KNL1: variants seen among roughly 807,000 people sequenced by gnomAD.
The protein encoded by KNL1 is kinetochore scaffold 1.
KNL1 carries 66 observed loss-of-function variants against 201.3 expected under a neutral mutation model. That is an observed-to-expected ratio of 0.33 (90% CI 0.27 to 0.40). The LOEUF is 0.40. KNL1 is among the 10% of genes least tolerant of loss of function. The pLI, the probability that KNL1 is intolerant of heterozygous loss-of-function variation, is 1.00. For synonymous variants in KNL1, 895 were observed against 899.2 expected (o/e 1.00, Z 0.08); for missense variants, 2,815 against 2,690.5 (o/e 1.05, Z -1.02).
In KNL1 at chr15:40,651,567, G is replaced by C. The variant is rs376586857; in HGVS notation, c.6309G>C (p.Gln2103His). The C allele has an allele frequency of 8.8e-6, 14 of 1,599,638 alleles. No individual in the cohort carries two copies. The African/African-American group carries it at 1.9e-4, about 22-fold the overall frequency. The change falls in exon 20 of 26, where the codon CAG becomes CAC. Residue 2103 changes from glutamine (Q) to histidine (H), a missense_variant. By Grantham distance (24) the Gln-to-His change is conservative. Around this residue, in one of 3 missense-constraint regions of KNL1, gnomAD observed 334 missense variants for 362.6 expected, o/e 0.92. Transcript: ENST00000399668. ...ATAGAACTGAAGAGCTACTGGATCA[G>C]TTGAGGTAAGGAAATGCAGGCATCA... ...QRNRTEELLD[Q>H]LSLSEWDVVE...
chr15:40,597,860 G>C (rs1273417542), intron 1 of KNL1, among the ~76,000 whole-genome samples: 1 of 152,116 alleles, frequency 6.6e-6, no homozygotes, highest in Non-Finnish European at 1.5e-5. Context: ...TGTGAATTTT[G>C]AACATGTGCA....
intron 9 of KNL1, 48 bp downstream of exon 9, chr15:40,619,059 TAAAAC>T (rs750647392): frequency 6.7e-5 from 83 of 1,242,734 alleles, no homozygotes; most frequent in Admixed American, 1.5e-4. Flanking sequence ...ATTTGATTGT[TAAAAC>T]AGAAAACACA....
At chr15:40,649,242 T>G (rs137965503) in intron 17 of KNL1, among the ~76,000 whole-genome samples, 1 of 152,240 alleles carries the variant, frequency 6.6e-6, no homozygotes, top group East Asian at 1.9e-4. Flanking sequence ...TTACATGATT[T>G]GTTACTACTC....
intron 2 of KNL1, 83 bp from the exon 3 acceptor site, chr15:40,605,027 C>T (rs2141699918): frequency 1.4e-6 from 1 of 738,250 alleles, no homozygotes; most frequent in Non-Finnish European, 2.5e-6. Flanking sequence ...AGTTTGAAAG[C>T]ATGTAAGGGG....
At chr15:40,603,443 G>A (rs1891873962) in intron 2 of KNL1, among the ~76,000 whole-genome samples, 1 of 152,186 alleles carries the variant, frequency 6.6e-6, no homozygotes, top group South Asian at 2.1e-4. Context: ...AGATGTTACA[G>A]ACTCATAGCT....
chr15:40,625,935 A>G, intron 10 of KNL1: 2 of 300,238 alleles, frequency 6.7e-6, no homozygotes, highest in Non-Finnish European at 1.3e-5. Context: ...AAAGGTATGT[A>G]TACTGTCACC....
intron 2 of KNL1, among the ~76,000 whole-genome samples, chr15:40,604,107 T>G (rs904827469): frequency 2.1e-5 from 3 of 145,556 alleles, no homozygotes; most frequent in Non-Finnish European, 4.5e-5. Context: ...CTCAAGACCC[T>G]GTCTCACATA....
intron 13 of KNL1, among the ~76,000 whole-genome samples, chr15:40,631,317 T>G (rs981478698): frequency 6.6e-6 from 1 of 151,868 alleles, no homozygotes; most frequent in African/African-American, 2.4e-5. Context: ...CAGGAAACAC[T>G]TCTAGATAAC....
chr15:40,625,218 A>T lies in KNL1; in HGVS notation c.4954A>T (p.Ile1652Phe). The T allele has an allele frequency of 1.9e-6, 3 of 1,614,014 alleles. No individual in the cohort carries two copies. Among genetic ancestry groups the T allele is most frequent in the Non-Finnish European group, 8.5e-7 (1 of 1,179,932 alleles). The change falls in exon 10 of 26, where the codon ATC becomes TTC. Residue 1652 changes from isoleucine to phenylalanine, a missense_variant. Coordinates refer to ENST00000399668, the MANE Select transcript of KNL1 (RefSeq NM_144508.5). ...KDKVRRCSLG[I>F]FLPRLPNKRN... is the part of the protein sequence containing the mutation. ...TAAAGTAAGGAGATGTTCTTTGGGAATCTTTTTGCCTAGATTGCCCAACAA... is the reference window on the plus strand; with the variant it reads ...TAAAGTAAGGAGATGTTCTTTGGGATTCTTTTTGCCTAGATTGCCCAACAA...
Position 40,612,641 on chromosome 15 carries a change from C to T in KNL1, c.284+1130C>T, listed in dbSNP as rs555460500. ...AAGTGATTCTCCTGCTTCAGCCTCC[C>T]GAGTAGCTGGGACTACAGGCGCCTG... On this transcript the variant is annotated intron_variant, in intron 7 of 25. Coordinates refer to ENST00000399668, the MANE Select transcript of KNL1 (RefSeq NM_144508.5). Among the ~76,000 whole-genome samples, 219 of 151,966 alleles carry T rather than the reference C, an allele frequency of 1.4e-3. 1 individual carries two copies. The highest frequency in any genetic ancestry group is 5.0e-3 in the African/African-American group (206 of 41,496).
intron 13 of KNL1, among the ~76,000 whole-genome samples, chr15:40,640,224 G>A (rs1310945902): frequency 6.6e-6 from 1 of 151,474 alleles, no homozygotes; most frequent in Non-Finnish European, 1.5e-5. Context: ...AGCTTCTGGA[G>A]TAGCTGGGAC....
intron 8 of KNL1, among the ~76,000 whole-genome samples, chr15:40,618,472 C>G (rs533247090): frequency 6.6e-6 from 1 of 152,082 alleles, no homozygotes; most frequent in East Asian, 1.9e-4. Flanking sequence ...ATTTGATACT[C>G]TTCTCCATGG....
Position 40,625,330 on chromosome 15 carries a change from T to A in KNL1, c.5066T>A (p.Val1689Asp), listed in dbSNP as rs1285643393. Reference protein sequence around the residue: ...TDINHLETQPVSSKDSGIGSV... With the variant: ...TDINHLETQPDSSKDSGIGSV... The stretch of plus-strand genomic sequence containing the variant: ...ATAAATCACTTAGAAACTCAGCCGG[T>A]CTCTAGCAAAGATTCAGGCATTGGA... Residue 1689 changes from valine to aspartate, a missense_variant, in exon 10 of 26, where the codon GTC becomes GAC. Transcript: ENST00000399668. The A allele has an allele frequency of 6.2e-7, 1 of 1,614,112 alleles. No homozygotes were observed. Among genetic ancestry groups the A allele is most frequent in the Admixed American group, 1.7e-5 (1 of 60,010 alleles).
chr15:40,652,327 A>T (rs1404865962), intron 21 of KNL1, among the ~76,000 whole-genome samples: 3 of 152,166 alleles, frequency 2.0e-5, no homozygotes, highest in Non-Finnish European at 4.4e-5. Flanking sequence ...GAATTACATT[A>T]AATAAAAATT....
chr15:40,649,084 C>T (rs182880256), intron 17 of KNL1, among the ~76,000 whole-genome samples: 41 of 150,978 alleles, frequency 2.7e-4, no homozygotes, highest in African/African-American at 7.3e-4. Flanking sequence ...GTGATCCGCC[C>T]GCCTCGGCCT....
At chr15:40,596,281 T>G (rs1248172916) in intron 1 of KNL1, among the ~76,000 whole-genome samples, 1 of 152,146 alleles carries the variant, frequency 6.6e-6, no homozygotes, top group Non-Finnish European at 1.5e-5. Flanking sequence ...ATTTATTTAT[T>G]TATTCTTTTT....
At position 40,640,388 on chromosome 15, in the gene KNL1, C is replaced by T. The variant is rs992447978; in HGVS notation, c.5683-524C>T. On this transcript the variant is annotated intron_variant, in intron 13 of 25. Transcript: ENST00000399668. ...GATTACAGGTGTGATCCACTGTGCC[C>T]GGCCCTGACTTGATTTTTTCAATAC... 4.6e-5 allele frequency among the ~76,000 whole-genome samples: 7 copies of T among 152,100 alleles called. No homozygotes were observed. In the East Asian group the frequency reaches 5.8e-4, roughly 13 times the overall value.
intron 8 of KNL1, among the ~76,000 whole-genome samples, chr15:40,618,618 A>T (rs1429190224): frequency 6.6e-6 from 1 of 152,150 alleles, no homozygotes; most frequent in Non-Finnish European, 1.5e-5. Flanking sequence ...TACAATAATT[A>T]TTGGTCTCTC....
At chr15:40,636,747 C>G (rs1184064497) in intron 13 of KNL1, among the ~76,000 whole-genome samples, 1 of 152,156 alleles carries the variant, frequency 6.6e-6, no homozygotes, top group Admixed American at 6.5e-5. Flanking sequence ...GGGAGAATCA[C>G]TTGAACCCGG....
Sources: allele counts gnomAD v4.1 joint callset (sites outside exome capture counted in the v4.1 genomes callset), GRCh38; gene constraint gnomAD v4.1.1; regional missense constraint gnomAD v4.1.1; transcripts MANE v1.5; gene names NCBI Gene and HGNC (gene_info 2026-07-23, HGNC 2026-07-21).